Variants in AFF3 observed in about 807,000 individuals in gnomAD.
AFF3 encodes ALF transcription elongation factor 3, also known as AF4/FMR2 family member 3.
Under a neutral mutation model 129.7 loss-of-function variants are expected in AFF3, and 32 were observed. That is an observed-to-expected ratio of 0.25 (90% confidence interval 0.19 to 0.33). AFF3 has a LOEUF of 0.33. Ranked by LOEUF, AFF3 falls within the 10% of genes least tolerant of loss-of-function variation. The pLI is 1.00. For missense variants in AFF3, 1,373 were observed against 1,592.0 expected (o/e 0.86, Z 2.34); for synonymous variants, 644 against 635.4 (o/e 1.01, Z -0.20).
At chr2:99,969,839 A>G (rs182666567) in intron 7 of AFF3, among the ~76,000 whole-genome samples, 1 of 152,338 alleles carries the variant, frequency 6.6e-6, no homozygotes, top group East Asian at 1.9e-4. Context: ...ACACCTACCA[A>G]TACAAATAAT....
At chr2:99,887,912 C>T (rs1693240487) in intron 7 of AFF3, among the ~76,000 whole-genome samples, 1 of 152,102 alleles carries the variant, frequency 6.6e-6, no homozygotes, top group Non-Finnish European at 1.5e-5. Flanking sequence ...GGCTTCCATC[C>T]AGGGCCACCC....
At chr2:99,755,564 G>A (rs1682029233) in intron 8 of AFF3, among the ~76,000 whole-genome samples, 1 of 152,124 alleles carries the variant, frequency 6.6e-6, no homozygotes, top group Non-Finnish European at 1.5e-5. Flanking sequence ...ACCGCGCCCG[G>A]CCCCTATTGG....
chr2:99,897,780 T>C (rs1416621383), intron 7 of AFF3, among the ~76,000 whole-genome samples: 1 of 152,162 alleles, frequency 6.6e-6, no homozygotes, highest in Non-Finnish European at 1.5e-5. Context: ...ATTGTTTTAT[T>C]TGACCAGTAA....
intron 7 of AFF3, among the ~76,000 whole-genome samples, chr2:99,879,415 T>C (rs979975259): frequency 1.3e-5 from 2 of 152,176 alleles, no homozygotes; most frequent in African/African-American, 4.8e-5. Context: ...TAAACGTGTA[T>C]AACAACAATA....
chr2:99,626,325 C>T (rs1168292860), intron 13 of AFF3, among the ~76,000 whole-genome samples: 1 of 147,230 alleles, frequency 6.8e-6, no homozygotes, highest in Non-Finnish European at 1.5e-5. Flanking sequence ...TCCCTTCCTT[C>T]CTTCCTTCCC....
chr2:99,951,789 GT>G (rs1216783052), intron 7 of AFF3, among the ~76,000 whole-genome samples: 1 of 152,184 alleles, frequency 6.6e-6, no homozygotes, highest in African/African-American at 2.4e-5. Context: ...GGGATTACAG[GT>G]GTGTGCCACC....
chr2:99,711,772 CA>C (rs1266156384), intron 11 of AFF3, among the ~76,000 whole-genome samples: 1 of 152,154 alleles, frequency 6.6e-6, no homozygotes, highest in Non-Finnish European at 1.5e-5. Context: ...AGAAACACTT[CA>C]ACACAAGAGC....
intron 10 of AFF3, among the ~76,000 whole-genome samples, chr2:99,735,404 C>T (rs1201842185): frequency 6.6e-6 from 1 of 150,906 alleles, no homozygotes; most frequent in Non-Finnish European, 1.5e-5. Flanking sequence ...TTGTAAATCT[C>T]TTTTCCATTT....
rs11367144 is a variant in AFF3, at chr2:99,881,406, C to CA, written c.874-43883dup. 5.7e-3 allele frequency among the ~76,000 whole-genome samples: 704 copies of CA among 122,944 alleles called. 7 individuals carry two copies. Among genetic ancestry groups the CA allele is most frequent in the African/African-American group, 0.017 (599 of 34,748 alleles). The allele number at this position is 122,944 out of a possible 152,430, so 80.7% of individuals were successfully genotyped here. Reference sequence around the variant, plus strand: ...CGGATTCATTTGAAAAGCATCTTTTCAAAAAAAAAAAAAAAGCTAGGTGTT... The same window carrying CA: ...CGGATTCATTTGAAAAGCATCTTTTCAAAAAAAAAAAAAAAAGCTAGGTGTT... On this transcript the variant is annotated intron_variant, in intron 7 of 24. Coordinates refer to ENST00000672756, the MANE Select transcript of AFF3 (RefSeq NM_001386135.1).
intron 4 of AFF3, among the ~76,000 whole-genome samples, chr2:100,016,986 T>C (rs1220559450): frequency 6.6e-6 from 1 of 151,454 alleles, no homozygotes; most frequent in African/African-American, 2.4e-5. Context: ...GTGGTAATGG[T>C]AATGATGGTG....
At chr2:100,047,370 G>C (rs901059176) in intron 4 of AFF3, among the ~76,000 whole-genome samples, 1 of 152,168 alleles carries the variant, frequency 6.6e-6, no homozygotes, top group Admixed American at 6.5e-5. Flanking sequence ...GGTGACAGAA[G>C]GTGAATGCAA....
chr2:99,620,383 C>T (rs976468326), intron 13 of AFF3, among the ~76,000 whole-genome samples: 1 of 152,182 alleles, frequency 6.6e-6, no homozygotes, highest in African/African-American at 2.4e-5. Flanking sequence ...ATTCCCAGCA[C>T]TTTGCGAGGC....
chr2:99,883,855 G>A (rs1369978537), intron 7 of AFF3, among the ~76,000 whole-genome samples: 4 of 152,178 alleles, frequency 2.6e-5, no homozygotes, highest in Non-Finnish European at 5.9e-5. Context: ...AAGCATTATC[G>A]TGAACACAAT....
intron 2 of AFF3, chr2:100,107,409 G>T: frequency 1.0e-6 from 1 of 985,302 alleles, no homozygotes; most frequent in Non-Finnish European, 1.2e-6. Flanking sequence ...GCAAAAAAAG[G>T]GTTTGGACTT....
intron 11 of AFF3, among the ~76,000 whole-genome samples, chr2:99,675,319 G>A (rs188935076): frequency 6.6e-6 from 1 of 152,250 alleles, no homozygotes; most frequent in Non-Finnish European, 1.5e-5. Context: ...AACTCACACA[G>A]CTTATACAAC....
At chr2:99,791,069 G>A (rs1011806854) in intron 8 of AFF3, among the ~76,000 whole-genome samples, 2 of 152,258 alleles carry the variant, frequency 1.3e-5, no homozygotes, top group South Asian at 2.1e-4. Context: ...TCTTTTTCTA[G>A]ACAGGTGATG....
chr2:100,071,658 T>C (rs1168395684), intron 4 of AFF3, among the ~76,000 whole-genome samples: 3 of 152,180 alleles, frequency 2.0e-5, no homozygotes, highest in Non-Finnish European at 4.4e-5. Flanking sequence ...TTAGCACCTT[T>C]AAATTGCTGG....
chr2:99,959,675 A>G (rs1177211374), intron 7 of AFF3, among the ~76,000 whole-genome samples: 1 of 146,176 alleles, frequency 6.8e-6, no homozygotes, highest in Non-Finnish European at 1.5e-5. Flanking sequence ...ATGAACTTAC[A>G]TTTTAAAAAA....
chr2:99,786,379 T>A (rs1684794197), intron 8 of AFF3, among the ~76,000 whole-genome samples: 2 of 152,156 alleles, frequency 1.3e-5, no homozygotes, highest in Admixed American at 1.3e-4. Flanking sequence ...TCCGTTAATG[T>A]CAGTTGTGGC....
Sources: allele counts gnomAD v4.1 joint callset (sites outside exome capture counted in the v4.1 genomes callset), GRCh38; gene constraint gnomAD v4.1.1; transcripts MANE v1.5; gene names NCBI Gene and HGNC (gene_info 2026-07-23, HGNC 2026-07-21).